Variants in COL4A5 observed in about 807,000 individuals in gnomAD.
COL4A5 encodes collagen alpha-5(IV) chain.
A neutral mutation model predicts 130.2 loss-of-function variants in COL4A5; 26 were observed. The observed-to-expected ratio is 0.20, with a 90% CI of 0.15 to 0.28. The LOEUF (loss-of-function observed/expected upper bound fraction) is 0.28, where lower values mean the gene tolerates loss of function less well. COL4A5 is among the 10% of genes least tolerant of loss of function. The probability of loss-of-function intolerance (pLI) is 1.00; values close to 1 mark genes in which losing one functional copy is unlikely to be tolerated. For missense variants in COL4A5, 1,131 were observed against 1,344.3 expected (o/e 0.84, Z 2.48); for synonymous variants, 496 against 439.6 (o/e 1.13, Z -1.60).
chrX:108,679,825 A>G (rs1287024299), intron 44 of COL4A5, among the ~76,000 whole-genome samples: 1 of 111,944 alleles, frequency 8.9e-6, no homozygotes, highest in Non-Finnish European at 1.9e-5. Flanking sequence ...AAAACAAAGA[A>G]TAAAATAATA....
intron 4 of COL4A5, among the ~76,000 whole-genome samples, chrX:108,567,142 C>T (rs2065987240): frequency 9.0e-6 from 1 of 111,195 alleles, no homozygotes; most frequent in Admixed American, 9.5e-5. Flanking sequence ...TAATAGGATT[C>T]TTGAAAACCA....
chrX:108,635,571 C>T (rs994614323), intron 36 of COL4A5, among the ~76,000 whole-genome samples: 1 of 111,317 alleles, frequency 9.0e-6, no homozygotes, highest in African/African-American at 3.3e-5. Flanking sequence ...ACAAGTGTAT[C>T]CTAAAATTCA....
intron 18 of COL4A5, 129 bp from the exon 19 acceptor site, chrX:108,586,486 A>G (rs779675499): frequency 1.6e-6 from 1 of 628,896 alleles, no homozygotes; most frequent in Non-Finnish European, 2.5e-6. Flanking sequence ...TGGGAGTGAT[A>G]CAAAATGTGA....
At chrX:108,672,330 G>A (rs1470078914) in intron 42 of COL4A5, among the ~76,000 whole-genome samples, 1 of 111,753 alleles carries the variant, frequency 8.9e-6, no homozygotes, top group Non-Finnish European at 1.9e-5. Flanking sequence ...TCTATCTTCT[G>A]AGTTACTATA....
In COL4A5 at chrX:108,622,814, C is replaced by A. The variant is rs372768627; in HGVS notation, c.2906C>A (p.Pro969His). 8 of 1,207,272 alleles carry A rather than the reference C, an allele frequency of 6.6e-6. No individual in the cohort carries two copies. The highest frequency in any genetic ancestry group is 8.9e-6 in the Non-Finnish European group (8 of 894,075). The change falls in exon 33 of 53, where the codon CCT (proline) becomes CAT (histidine). Residue 969 changes from proline to histidine, a missense_variant. Pro to His is a moderately conservative substitution (Grantham distance 77, BLOSUM62 -2). Transcript: ENST00000328300. ...LLGSKGEKGE[P>H]GLPGIPGVSG... The stretch of plus-strand genomic sequence containing the variant: ...GGCTCAAAAGGAGAGAAGGGGGAAC[C>A]TGGCTTACCAGGTGAGTGAATGAAT...
chrX:108,501,573 C>A (rs956356515), intron 1 of COL4A5, among the ~76,000 whole-genome samples: 1 of 111,787 alleles, frequency 8.9e-6, no homozygotes, highest in African/African-American at 3.3e-5. Flanking sequence ...TTCCTTTGCT[C>A]ATTATTAGGC....
intron 2 of COL4A5, among the ~76,000 whole-genome samples, chrX:108,542,823 C>T (rs754187504): frequency 0.03 from 3,146 of 105,928 alleles, 122 homozygotes; most frequent in African/African-American, 0.11. Context: ...GATGGTATCT[C>T]ATTGTGGTTT....
chrX:108,670,415 GA>G (rs1297809220), intron 42 of COL4A5, 179 bp downstream of exon 42: 2 of 463,992 alleles, frequency 4.3e-6, no homozygotes, highest in Non-Finnish European at 5.3e-6. Context: ...CTGTCTATTG[GA>G]AAGACCCAAA....
intron 6 of COL4A5, 104 bp downstream of exon 6, chrX:108,568,925 T>C: frequency 1.3e-5 from 9 of 693,247 alleles, no homozygotes; most frequent in African/African-American, 2.1e-5. Context: ...TATAGTGTCT[T>C]CAGGTCTTGG....
chrX:108,589,160 A>G (rs976362749), intron 19 of COL4A5, among the ~76,000 whole-genome samples: 1 of 111,159 alleles, frequency 9.0e-6, no homozygotes, highest in African/African-American at 3.3e-5. Flanking sequence ...TGCAGAGAGA[A>G]TAAGGATAAG....
intron 1 of COL4A5, among the ~76,000 whole-genome samples, chrX:108,448,040 G>C (rs764964192): frequency 1.8e-5 from 2 of 111,615 alleles, no homozygotes; most frequent in Non-Finnish European, 3.8e-5. Flanking sequence ...AGTCTGTCCA[G>C]GTCCACCCAC....
intron 9 of COL4A5, among the ~76,000 whole-genome samples, chrX:108,574,550 G>A (rs1016885328): frequency 1.8e-5 from 2 of 110,937 alleles, no homozygotes; most frequent in Non-Finnish European, 3.8e-5. Context: ...TACCATCTGT[G>A]CCTTAAAAAT....
chrX:108,492,852 A>T (rs1215627193), intron 1 of COL4A5, among the ~76,000 whole-genome samples: 1 of 111,484 alleles, frequency 9.0e-6, no homozygotes, highest in Non-Finnish European at 1.9e-5. Context: ...GCAGAAAATC[A>T]TTGAGTCTTT....
chrX:108,625,653 A>G, intron 34 of COL4A5, 52 bp from the exon 35 acceptor site: 1 of 811,717 alleles, frequency 1.2e-6, no homozygotes, highest in Non-Finnish European at 1.9e-6. Flanking sequence ...ATGAAACCAG[A>G]CAACCCCAAT....
At chrX:108,453,159 C>T (rs1219775989) in intron 1 of COL4A5, among the ~76,000 whole-genome samples, 1 of 111,501 alleles carries the variant, frequency 9.0e-6, no homozygotes, top group Non-Finnish European at 1.9e-5. Flanking sequence ...ACCAGCCCTG[C>T]ATCCCAGGGA....
chrX:108,694,013 C>T, intron 50 of COL4A5: 1 of 106,888 alleles, frequency 9.4e-6, no homozygotes, highest in African/African-American at 3.5e-5. Context: ...CTTTTTAATA[C>T]ATTTTCCTGA....
rs759279244 is a variant in COL4A5 at position 108,661,010 on chromosome X, A to G, written c.3374-4497A>G. 7.1e-5 allele frequency among the ~76,000 whole-genome samples: 8 copies of G among 112,061 alleles called. No homozygotes were observed. The South Asian group carries it at 3.0e-3, about 41-fold the overall frequency. On this transcript the variant is annotated intron_variant, in intron 37 of 52. Coordinates refer to ENST00000328300, the MANE Select transcript of COL4A5 (RefSeq NM_033380.3). ...TTATACAAATACTTACCATTGTGCT[A>G]TAATTGCCTACAGGATGCAGTACAG...
chrX:108,449,619 T>G (rs1232320261), intron 1 of COL4A5, among the ~76,000 whole-genome samples: 1 of 111,987 alleles, frequency 8.9e-6, no homozygotes, highest in East Asian at 2.8e-4. Context: ...AAATTATATC[T>G]CATTGTTCTG....
At chrX:108,538,765 T>C (rs1224399056) in intron 1 of COL4A5, among the ~76,000 whole-genome samples, 1 of 112,171 alleles carries the variant, frequency 8.9e-6, no homozygotes, top group African/African-American at 3.2e-5. Flanking sequence ...TATCCATGTA[T>C]ATTAAACTAA....
Sources: allele counts gnomAD v4.1 joint callset (sites outside exome capture counted in the v4.1 genomes callset), GRCh38; gene constraint gnomAD v4.1.1; transcripts MANE v1.5; gene names NCBI Gene and HGNC (gene_info 2026-07-23, HGNC 2026-07-21).